Variants in ABCA6 observed in about 807,000 individuals in gnomAD.
The protein encoded by ABCA6 is ATP binding cassette subfamily A member 6, also known as ATP-binding cassette sub-family A member 6.
Under a neutral mutation model 191.2 loss-of-function variants are expected in ABCA6, and 164 were observed. The ratio of observed to expected loss-of-function variants is 0.86; its 90% confidence interval spans 0.76 to 0.98. The LOEUF (loss-of-function observed/expected upper bound fraction) is 0.98, where lower values mean the gene tolerates loss of function less well. Among genes scored for constraint, ABCA6 ranks in the 50% least tolerant of loss-of-function variants. The pLI is 0.00. For missense variants in ABCA6, 1,958 were observed against 1,894.1 expected (o/e 1.03, Z -0.63); for synonymous variants, 636 against 647.7 (o/e 0.98, Z 0.27).
At chr17:69,131,898 A>T (rs886966090) in intron 6 of ABCA6, among the ~76,000 whole-genome samples, 4 of 152,162 alleles carry the variant, frequency 2.6e-5, no homozygotes, top group Non-Finnish European at 5.9e-5. Context: ...ACTGTCCCAT[A>T]GGACATGCCC....
chr17:69,095,694 C>T (rs1694177187), intron 25 of ABCA6, among the ~76,000 whole-genome samples: 1 of 152,190 alleles, frequency 6.6e-6, no homozygotes, highest in African/African-American at 2.4e-5. Flanking sequence ...GACATTCAAT[C>T]ACCAGTTGAG....
rs532244120 is a variant in ABCA6 at position 69,087,427 on chromosome 17, T to C, written c.3745A>G (p.Ile1249Val). ...GTTTGAATATCTTCATCTTCATCTA[T>C]GGGTTCTTCTGGATTTGGCTTAGCA... is the stretch of plus-strand genomic sequence containing the variant. ...RDAKPNPEEP[I>V]DEDEDIQTER... is the part of the protein sequence containing the mutation. The change falls in exon 29 of 39, where the codon ATA becomes GTA. Residue 1249 changes from isoleucine to valine, a missense_variant. Transcript: ENST00000284425. 1.9e-6 allele frequency: 3 copies of C among 1,614,006 alleles called. No individual in the cohort carries two copies. Among genetic ancestry groups the C allele is most frequent in the Admixed American group, 1.7e-5 (1 of 60,018 alleles).
At chr17:69,079,385 A>G (rs773628554) in intron 37 of ABCA6, 120 bp from the exon 38 acceptor site, 183 of 634,076 alleles carry the variant, frequency 2.9e-4, no homozygotes, top group Non-Finnish European at 4.3e-4. Context: ...TGAATAAGCC[A>G]ATGCTTGATG....
chr17:69,127,375 A>G (rs935206960), intron 8 of ABCA6, among the ~76,000 whole-genome samples: 10 of 152,132 alleles, frequency 6.6e-5, no homozygotes, highest in Non-Finnish European at 1.2e-4. Context: ...CAAATAATGG[A>G]AAAATGTCGG....
In ABCA6 at chr17:69,140,015, T is replaced by C. The variant is rs560106867; in HGVS notation, c.96+593A>G. 3.8e-4 allele frequency among the ~76,000 whole-genome samples: 58 copies of C among 151,496 alleles called. 1 individual carries two copies. Among genetic ancestry groups the C allele is most frequent in the African/African-American group, 1.4e-3 (56 of 41,282 alleles). On this transcript the variant is annotated intron_variant, in intron 2 of 38. Coordinates refer to ENST00000284425, the MANE Select transcript of ABCA6 (RefSeq NM_080284.3). Reference sequence around the variant, plus strand: ...TAATGCTAAATGGCGAGTTAATGGGTGCAGCACACCAGCATGGCACATGTA... The same window carrying C: ...TAATGCTAAATGGCGAGTTAATGGGCGCAGCACACCAGCATGGCACATGTA...
chr17:69,117,913 C>T lies in ABCA6; in HGVS notation c.1480G>A (p.Val494Met). Residue 494 changes from valine to methionine, a missense_variant, in exon 11 of 39, where the codon GTG becomes ATG. Transcript: ENST00000284425. ...TTTTCTTTACCTTTCAATGCTTCCA[C>T]TTTTCCAGATTTTCCTTTATATTCC... ...KKEYKGKSGK[V>M]EALKGLLFDI... is the part of the protein sequence containing the mutation. 6.3e-7 allele frequency: 1 copy of T among 1,582,326 alleles called. No homozygotes were observed. Among genetic ancestry groups the T allele is most frequent in the Non-Finnish European group, 8.6e-7 (1 of 1,157,022 alleles).
At chr17:69,118,201 T>C (rs912528812) in intron 10 of ABCA6, among the ~76,000 whole-genome samples, 2 of 152,072 alleles carry the variant, frequency 1.3e-5, no homozygotes, top group Non-Finnish European at 2.9e-5. Context: ...AAAAGTAGAA[T>C]GCTGTGTAAT....
At chr17:69,136,305 C>T in intron 3 of ABCA6, 55 bp from the exon 4 acceptor site, 4 of 1,300,758 alleles carry the variant, frequency 3.1e-6, no homozygotes, top group Non-Finnish European at 4.1e-6. Context: ...TTTGCCACAA[C>T]ATAATGTGAT....
chr17:69,105,268 T>C (rs1461124323), intron 20 of ABCA6, 194 bp downstream of exon 20: 5 of 573,930 alleles, frequency 8.7e-6, no homozygotes, highest in East Asian at 6.5e-5. Flanking sequence ...CAAGTTCTTT[T>C]TCTCTTGTCC....
Position 69,102,876 on chromosome 17 carries a change from G to A in ABCA6, c.2833C>T (p.Leu945Phe), listed in dbSNP as rs775374771. The change falls in exon 21 of 39, where the codon CTC becomes TTC. Residue 945 changes from leucine (L) to phenylalanine (F), a missense_variant. By Grantham distance (22) the Leu-to-Phe change is conservative (BLOSUM62 0). Coordinates refer to ENST00000284425, the MANE Select transcript of ABCA6 (RefSeq NM_080284.3). ...ACTATGATAGCTCCATTGTATGAGA[G>A]GCCATCAGTACCATTTCTGTTTTCA... is the stretch of plus-strand genomic sequence containing the variant. The part of the protein sequence containing the change: ...DFENRNGTDG[L>F]SYNGAIIVSG... 2.5e-6 allele frequency: 4 copies of A among 1,598,442 alleles called. No individual in the cohort carries two copies. The African/African-American group carries it at 4.1e-5, about 16-fold the overall frequency.
chr17:69,104,650 G>C (rs1398133714), intron 20 of ABCA6: 1 of 93,622 alleles, frequency 1.1e-5, no homozygotes. Context: ...TTAATTAAGC[G>C]GTTAGGAAAA....
rs2073719871 is a variant in ABCA6 at position 69,124,895 on chromosome 17, A to T, written c.1260T>A (p.Ile420=). Residue 420 remains isoleucine (I), a synonymous_variant, in exon 9 of 39, where the codon ATT becomes ATA. Coordinates refer to ENST00000284425, the MANE Select transcript of ABCA6 (RefSeq NM_080284.3). The stretch of plus-strand genomic sequence containing the variant: ...AAACTCACTATTACTTACAGGGTAA[A>T]ATTTTGTCAAAGTATAATGCCAATA... The part of the protein sequence containing the change: ...YLLLALYFDK[I]LPYGDERHYS... 6.4e-7 allele frequency: 1 copy of T among 1,559,736 alleles called. No homozygotes were observed. The highest frequency in any genetic ancestry group is 1.2e-5 in the South Asian group (1 of 80,624).
intron 27 of ABCA6, 114 bp from the exon 28 acceptor site, chr17:69,088,372 A>C: frequency 1.4e-5 from 11 of 767,986 alleles, no homozygotes; most frequent in Non-Finnish European, 2.2e-5. Flanking sequence ...GATCATTCTC[A>C]TAAGCTGGGG....
chr17:69,125,886 T>C (rs948366936), intron 8 of ABCA6, among the ~76,000 whole-genome samples: 2 of 152,142 alleles, frequency 1.3e-5, no homozygotes, highest in African/African-American at 4.8e-5. Flanking sequence ...GTAATATCTA[T>C]TCATAGTAAA....
chr17:69,137,576 G>A, intron 2 of ABCA6, 76 bp from the exon 3 acceptor site: 1 of 1,366,530 alleles, frequency 7.3e-7, no homozygotes, highest in Middle Eastern at 2.1e-4. Flanking sequence ...ACAAAATACT[G>A]TTGAAAACAA....
rs1217610013 is a variant in ABCA6, at chr17:69,102,872, G to T, written c.2837C>A (p.Ser946Ter). The change falls in exon 21 of 39, where the codon TCA becomes TAA. Residue 946 changes from serine to a stop codon, truncating the protein, a stop_gained. Coordinates refer to ENST00000284425, the MANE Select transcript of ABCA6 (RefSeq NM_080284.3). LOFTEE classifies it high-confidence loss of function. ...AGAAACTATGATAGCTCCATTGTAT[G>T]AGAGGCCATCAGTACCATTTCTGTT... ...FENRNGTDGL[S>*]YNGAIIVSGK... 6.3e-7 allele frequency: 1 copy of T among 1,598,842 alleles called. No individual in the cohort carries two copies. The highest frequency in any genetic ancestry group is 1.4e-5 in the African/African-American group (1 of 73,990).
intron 10 of ABCA6, among the ~76,000 whole-genome samples, chr17:69,118,354 C>T (rs1253805109): frequency 6.6e-6 from 1 of 152,050 alleles, no homozygotes; most frequent in Non-Finnish European, 1.5e-5. Context: ...CACTCTGTCA[C>T]CTGCATCTTT....
At position 69,106,149 on chromosome 17, in the gene ABCA6, A is replaced by C; in HGVS notation, c.2452T>G (p.Ser818Ala). 6.2e-7 allele frequency: 1 copy of C among 1,613,978 alleles called. No individual in the cohort carries two copies. Among genetic ancestry groups the C allele is most frequent in the Non-Finnish European group, 8.5e-7 (1 of 1,179,888 alleles). The change falls in exon 19 of 39, where the codon TCT becomes GCT. Residue 818 changes from serine to alanine, a missense_variant. Ser to Ala is a moderately conservative substitution (Grantham distance 99, BLOSUM62 1). Coordinates refer to ENST00000284425, the MANE Select transcript of ABCA6 (RefSeq NM_080284.3). ...ESLNEMELAH[S>A]SFSEMQTAVS... is the part of the protein sequence containing the mutation. ...GCTGTCTGCATTTCAGAGAAGGAAG[A>C]GTGAGCCAGCTCCATTTCATTGAGG...
chr17:69,093,471 T>C (rs1234381414), intron 25 of ABCA6, among the ~76,000 whole-genome samples: 1 of 152,214 alleles, frequency 6.6e-6, no homozygotes, highest in East Asian at 1.9e-4. Flanking sequence ...GAAAGTTAAA[T>C]TGCAACTCAT....
Sources: allele counts gnomAD v4.1 joint callset (sites outside exome capture counted in the v4.1 genomes callset), GRCh38; gene constraint gnomAD v4.1.1; transcripts MANE v1.5; gene names NCBI Gene and HGNC (gene_info 2026-07-23, HGNC 2026-07-21).